Variants in ANO4 observed in about 807,000 individuals in gnomAD.
ANO4 encodes anoctamin 4.
Under a neutral mutation model 141.9 loss-of-function variants are expected in ANO4, and 69 were observed. The observed-to-expected ratio is 0.49, with a 90% CI of 0.40 to 0.59. The LOEUF (loss-of-function observed/expected upper bound fraction) is 0.59. Among genes scored for constraint, ANO4 ranks in the 20% least tolerant of loss-of-function variants. ANO4 has a pLI of 0.00. For missense variants in ANO4, 894 were observed against 1,162.2 expected (o/e 0.77, Z 3.36); for synonymous variants, 350 against 394.3 (o/e 0.89, Z 1.33).
intron 8 of ANO4, among the ~76,000 whole-genome samples, chr12:100,992,607 T>A (rs866599): frequency 1.3e-5 from 2 of 152,232 alleles, no homozygotes; most frequent in East Asian, 3.8e-4. Flanking sequence ...GTTTCCTAGA[T>A]AACATTTTTT....
intron 6 of ANO4, among the ~76,000 whole-genome samples, chr12:100,974,058 T>A (rs1454779835): frequency 6.6e-6 from 1 of 152,232 alleles, no homozygotes; most frequent in African/African-American, 2.4e-5. Flanking sequence ...TCAGTTTCGG[T>A]TGAAGCCTGA....
At chr12:100,807,740 G>T (rs1778523312) in intron 1 of ANO4, among the ~76,000 whole-genome samples, 1 of 152,066 alleles carries the variant, frequency 6.6e-6, no homozygotes, top group African/African-American at 2.4e-5. Context: ...AGTGTGTGTT[G>T]TTCCTCATAG....
intron 1 of ANO4, among the ~76,000 whole-genome samples, chr12:100,890,873 ATATG>A (rs2040070624): frequency 6.6e-6 from 1 of 152,178 alleles, no homozygotes; most frequent in Non-Finnish European, 1.5e-5. Context: ...ATTTATTACA[ATATG>A]TATGCACCAT....
At chr12:101,111,394 C>T (rs955185683) in intron 23 of ANO4, among the ~76,000 whole-genome samples, 169 bp from the exon 24 acceptor site, 9 of 152,176 alleles carry the variant, frequency 5.9e-5, no homozygotes, top group African/African-American at 2.2e-4. Flanking sequence ...TAGAAACTCC[C>T]TCAATGCCAA....
At chr12:101,082,472 G>A (rs2049323555) in intron 15 of ANO4, among the ~76,000 whole-genome samples, 1 of 152,158 alleles carries the variant, frequency 6.6e-6, no homozygotes, top group Admixed American at 6.5e-5. Flanking sequence ...CTAGCTCAAG[G>A]GCTCTTGATG....
At chr12:101,038,740 A>G (rs776694265) in intron 10 of ANO4, 3 of 152,180 alleles carry the variant, frequency 2.0e-5, no homozygotes, top group Non-Finnish European at 4.4e-5. Context: ...TCTGAGACTC[A>G]CCTGAGTTTC....
At chr12:100,740,538 C>T (rs2031817003) in intron 3 of ANO4, among the ~76,000 whole-genome samples, 1 of 152,092 alleles carries the variant, frequency 6.6e-6, no homozygotes, top group Non-Finnish European at 1.5e-5. Flanking sequence ...TTATTGAATG[C>T]TCTATTTAGT....
At chr12:100,824,583 T>C (rs1241415706) in intron 1 of ANO4, among the ~76,000 whole-genome samples, 1 of 152,054 alleles carries the variant, frequency 6.6e-6, no homozygotes, top group Middle Eastern at 3.2e-3. Flanking sequence ...GAGAGTGTTG[T>C]ATTCTACAGA....
intron 9 of ANO4, among the ~76,000 whole-genome samples, chr12:101,033,892 C>T (rs1480231440): frequency 6.6e-6 from 1 of 152,166 alleles, no homozygotes; most frequent in African/African-American, 2.4e-5. Context: ...GAAGAAAGCT[C>T]AACATCACTG....
intron 1 of ANO4, among the ~76,000 whole-genome samples, chr12:100,873,403 G>A (rs1036993084): frequency 1.3e-5 from 2 of 152,284 alleles, no homozygotes; most frequent in African/African-American, 4.8e-5. Flanking sequence ...GGTCAATGAG[G>A]TCCAGGCTGG....
chr12:101,031,767 A>G (rs909618042), intron 9 of ANO4, among the ~76,000 whole-genome samples: 2 of 152,226 alleles, frequency 1.3e-5, no homozygotes, highest in Admixed American at 1.3e-4. Context: ...AAAAAATCAC[A>G]GGCATTCCTT....
rs1393002767 is a variant in ANO4, at chr12:100,939,460, A to G, written c.297+9A>G. 3 of 1,610,778 alleles carry G rather than the reference A, an allele frequency of 1.9e-6. No individual in the cohort carries two copies. The highest frequency in any genetic ancestry group is 2.5e-6 in the Non-Finnish European group (3 of 1,177,952). ...TGGAAGCCGGGGGAGAGGTAAGAGTATATGATTTCTTACAAATGTAATTCG... is the reference window on the plus strand; with the variant it reads ...TGGAAGCCGGGGGAGAGGTAAGAGTGTATGATTTCTTACAAATGTAATTCG... On this transcript the variant is annotated intron_variant, in intron 4 of 27. Coordinates refer to ENST00000392977, the MANE Select transcript of ANO4 (RefSeq NM_001286615.2).
intron 1 of ANO4, among the ~76,000 whole-genome samples, chr12:100,816,446 T>A (rs1489467146): frequency 6.6e-6 from 1 of 151,928 alleles, no homozygotes; most frequent in Non-Finnish European, 1.5e-5. Context: ...ACAAAGGCCC[T>A]GTGGTAGGAA....
intron 8 of ANO4, among the ~76,000 whole-genome samples, chr12:101,002,035 G>T (rs983976340): frequency 6.6e-6 from 1 of 151,820 alleles, no homozygotes; most frequent in Non-Finnish European, 1.5e-5. Context: ...CATCTTCCTC[G>T]CTGCCCACCA....
chr12:100,867,675 C>T (rs2038820856), intron 1 of ANO4, among the ~76,000 whole-genome samples: 1 of 152,116 alleles, frequency 6.6e-6, no homozygotes, highest in African/African-American at 2.4e-5. Context: ...CACCCCATGG[C>T]CCAGTCAGGT....
In ANO4 at chr12:101,127,006, G is replaced by A. The variant is rs143188971; in HGVS notation, c.2804G>A (p.Arg935His). ...QEMMYEAELE[R>H]LQKERKERKK... ...ATGATGTATGAAGCAGAACTGGAAC[G>A]TCTCCAGAAGGAACGAAAGGAGAGG... The change falls in exon 27 of 28, where the codon CGT (arginine) becomes CAT (histidine). Residue 935 changes from arginine (R) to histidine (H), a missense_variant. This residue lies in a region of ANO4 where 637 missense variants were observed against 909.2 expected (regional missense o/e 0.70). Transcript: ENST00000392977. 52 of 1,614,062 alleles carry A rather than the reference G, an allele frequency of 3.2e-5. No individual in the cohort carries two copies. Among genetic ancestry groups the A allele is most frequent in the African/African-American group, 1.5e-4 (11 of 74,926 alleles).
At chr12:100,850,813 C>T (rs1487451484) in intron 1 of ANO4, among the ~76,000 whole-genome samples, 1 of 152,048 alleles carries the variant, frequency 6.6e-6, no homozygotes, top group East Asian at 1.9e-4. Flanking sequence ...TAGATTTCTT[C>T]ACATTCTTAA....
intron 1 of ANO4, among the ~76,000 whole-genome samples, chr12:100,859,629 A>G (rs1160582374): frequency 6.6e-6 from 1 of 152,208 alleles, no homozygotes; most frequent in South Asian, 2.1e-4. Flanking sequence ...GCATTCACTC[A>G]AAAAGAATGT....
chr12:101,090,527 T>A (rs1171875468), intron 17 of ANO4, among the ~76,000 whole-genome samples: 1 of 152,094 alleles, frequency 6.6e-6, no homozygotes, highest in Non-Finnish European at 1.5e-5. Context: ...ATGTTCTCAC[T>A]CATAGGTGGG....
Sources: gnomAD v4.1 joint callset for allele counts (sites outside exome capture counted in the v4.1 genomes callset) on GRCh38, gnomAD v4.1.1 for gene constraint, gnomAD v4.1.1 regional missense constraint, MANE v1.5 for transcripts, NCBI Gene and HGNC (gene_info 2026-07-23, HGNC 2026-07-21) for gene names.